FEZ1: variants seen among roughly 807,000 people sequenced by gnomAD.
FEZ1 encodes the protein fasciculation and elongation protein zeta 1.
FEZ1 carries 20 observed loss-of-function variants against 49.3 expected under a neutral mutation model. The ratio of observed to expected loss-of-function variants is 0.41; its 90% CI spans 0.29 to 0.59. The LOEUF (loss-of-function observed/expected upper bound fraction) is 0.59. FEZ1 is among the 20% of genes least tolerant of loss of function. FEZ1 has a pLI of 0.36. For missense variants in FEZ1, 413 were observed against 476.0 expected (o/e 0.87, Z 1.23); for synonymous variants, 170 against 180.9 (o/e 0.94, Z 0.48).
intron 4 of FEZ1, among the ~76,000 whole-genome samples, 174 bp from the exon 5 acceptor site, chr11:125,460,840 C>T (rs949469626): frequency 2.0e-5 from 3 of 152,192 alleles, no homozygotes; most frequent in Non-Finnish European, 2.9e-5. Context: ...GGCTTGCATA[C>T]ACTCTTTCTT....
intron 4 of FEZ1, chr11:125,463,248 A>T (rs919665624): frequency 4.0e-6 from 1 of 250,738 alleles, no homozygotes; most frequent in African/African-American, 2.3e-5. Context: ...AGAGGTTGCA[A>T]TGAGCCAAGA....
intron 2 of FEZ1, 163 bp from the exon 3 acceptor site, chr11:125,481,796 A>G (rs1049418083): frequency 1.6e-6 from 1 of 627,494 alleles, no homozygotes; most frequent in Non-Finnish European, 2.9e-6. Flanking sequence ...ACTGAATCAG[A>G]GGCACATCCA....
intron 2 of FEZ1, among the ~76,000 whole-genome samples, chr11:125,482,979 A>T (rs1409264664): frequency 4.1e-5 from 6 of 144,776 alleles, no homozygotes; most frequent in African/African-American, 1.6e-4. Flanking sequence ...CACTGTAAAA[A>T]AAAAAAAAAA....
Position 125,495,234 on chromosome 11 carries a change from G to A in FEZ1, c.-46+887C>T. 1 of 382,894 alleles carries A rather than the reference G, an allele frequency of 2.6e-6. No individual in the cohort carries two copies. The allele number at this position is 382,894 out of a possible 1,614,324, so 23.7% of individuals were successfully genotyped here. A position where few individuals can be genotyped will look rare whatever the true frequency, so the allele number is the denominator to read the frequency against. ...CAGGCAGCACAATGGCTGGCACTCT[G>A]AGGAAGCCGGACTCATCCCGTGCAG... On this transcript the variant is annotated intron_variant, in intron 1 of 9. Transcript: ENST00000278919. This position sits in a 1 kb window ranked among gnomAD's most constrained non-coding sequence, Gnocchi z 4.2.
In FEZ1 at chr11:125,493,362, A is replaced by AAAGAAAG. The variant is rs1957403828; in HGVS notation, c.-46+2758_-46+2759insCTTTCTT. Reference sequence around the variant, plus strand: ...GAAAGAAAGAAAGAAAGAAAGAGAGAAAAGAAAGAAAGAAAGAAAGAAAGA... The same window carrying AAAGAAAG: ...GAAAGAAAGAAAGAAAGAAAGAGAGAAAGAAAGAAAGAAAGAAAGAAAGAAAGAAAGA... On this transcript the variant is annotated intron_variant, in intron 1 of 9. Transcript: ENST00000278919. Among the ~76,000 whole-genome samples, 3 of 49,534 alleles carry AAAGAAAG rather than the reference A, an allele frequency of 6.1e-5. No individual in the cohort carries two copies. In the Admixed American group the frequency reaches 8.2e-4, roughly 14 times the overall value. 32.5% of individuals were successfully genotyped at this position (49,534 alleles called of 152,430 possible). A position where few individuals can be genotyped will look rare whatever the true frequency, so the allele number is the denominator to read the frequency against.
chr11:125,448,683 T>C, intron 8 of FEZ1, 116 bp from the exon 9 acceptor site: 1 of 728,522 alleles, frequency 1.4e-6, no homozygotes, highest in South Asian at 1.6e-5. Flanking sequence ...GAACCAGACA[T>C]TTATTGAGTA....
rs527507926 is a variant in FEZ1 at position 125,456,982 on chromosome 11, G to A, written c.668-876C>T. 1.4e-4 allele frequency among the ~76,000 whole-genome samples: 21 copies of A among 151,978 alleles called. No individual in the cohort carries two copies. In the South Asian group the frequency reaches 2.1e-3, roughly 15 times the overall value. Reference sequence around the variant, plus strand: ...GCGGATCACCTGAGGTCAGGAGTTCGAAAACAGCCTGGCCAGCATAGTGAA... The same window carrying A: ...GCGGATCACCTGAGGTCAGGAGTTCAAAAACAGCCTGGCCAGCATAGTGAA... On this transcript the variant is annotated intron_variant, in intron 5 of 9. Coordinates refer to ENST00000278919, the MANE Select transcript of FEZ1 (RefSeq NM_005103.5).
chr11:125,491,422 A>G (rs1481395688), intron 1 of FEZ1, among the ~76,000 whole-genome samples: 1 of 152,208 alleles, frequency 6.6e-6, no homozygotes, highest in Non-Finnish European at 1.5e-5. Context: ...GTGGCTAGGC[A>G]GTCAATCAAT....
intron 8 of FEZ1, among the ~76,000 whole-genome samples, chr11:125,450,789 A>G (rs1161688509): frequency 6.6e-6 from 1 of 152,242 alleles, no homozygotes; most frequent in Non-Finnish European, 1.5e-5. Context: ...TTTTACAGCC[A>G]GTATAATCTC....
At chr11:125,483,060 C>T (rs1020346409) in intron 2 of FEZ1, among the ~76,000 whole-genome samples, 1 of 148,836 alleles carries the variant, frequency 6.7e-6, no homozygotes, top group Non-Finnish European at 1.5e-5. Flanking sequence ...CCTTCAGGTG[C>T]CTATGCATGT....
At chr11:125,476,186 T>C (rs1957231059) in intron 3 of FEZ1, among the ~76,000 whole-genome samples, 1 of 152,206 alleles carries the variant, frequency 6.6e-6, no homozygotes, top group African/African-American at 2.4e-5. Context: ...AATATCTTGA[T>C]TGTGGTGATG....
Position 125,444,420 on chromosome 11 carries a change from T to C in FEZ1, c.*1675A>G, listed in dbSNP as rs918919594. Among the ~76,000 whole-genome samples the C allele has an allele frequency of 6.6e-6, 1 of 152,192 alleles. No individual in the cohort carries two copies. The highest frequency in any genetic ancestry group is 2.4e-5 in the African/African-American group (1 of 41,456). Reference sequence around the variant, plus strand: ...GACCAACATGTAGAAACCTGGTCTCTACTAAAAATATAAAATTAGCTGGGT... The same window carrying C: ...GACCAACATGTAGAAACCTGGTCTCCACTAAAAATATAAAATTAGCTGGGT... On this transcript the variant is annotated 3_prime_UTR_variant, in exon 10 of 10. Coordinates refer to ENST00000278919, the MANE Select transcript of FEZ1 (RefSeq NM_005103.5).
chr11:125,486,793 G>C (rs1957329468), intron 2 of FEZ1, among the ~76,000 whole-genome samples: 1 of 152,162 alleles, frequency 6.6e-6, no homozygotes, highest in African/African-American at 2.4e-5. Context: ...AGTGTAGTCA[G>C]GTGAGATATT....
chr11:125,460,273 G>T (rs1379906583), intron 5 of FEZ1: 1 of 430,588 alleles, frequency 2.3e-6, no homozygotes, highest in Non-Finnish European at 4.1e-6. Flanking sequence ...TTGTTCTTTG[G>T]TTAGTTTTAA....
chr11:125,483,568 A>C (rs2135780933), intron 2 of FEZ1, among the ~76,000 whole-genome samples: 2 of 152,348 alleles, frequency 1.3e-5, no homozygotes, highest in East Asian at 3.9e-4. Flanking sequence ...AGAAGCAAAT[A>C]GGATTTGCTT....
intron 3 of FEZ1, among the ~76,000 whole-genome samples, chr11:125,476,265 T>C (rs1465539000): frequency 2.0e-5 from 3 of 152,226 alleles, no homozygotes; most frequent in Non-Finnish European, 4.4e-5. Flanking sequence ...GCTCATTATA[T>C]GCCAATTACC....
chr11:125,457,613 T>G (rs950169926), intron 5 of FEZ1, among the ~76,000 whole-genome samples: 1 of 145,822 alleles, frequency 6.9e-6, no homozygotes, highest in African/African-American at 2.5e-5. Flanking sequence ...GAAGAATTAA[T>G]TGATTGACTG....
At chr11:125,473,820 A>T in intron 3 of FEZ1, among the ~76,000 whole-genome samples, 1 of 60,210 alleles carries the variant, frequency 1.7e-5, no homozygotes, top group South Asian at 7.9e-4. Flanking sequence ...CTCCATTTCA[A>T]AAAAAAAAAA....
rs1565307127 is a variant in FEZ1 at position 125,493,464 on chromosome 11, AGG to A, written c.-46+2655_-46+2656del. 1.4e-4 allele frequency among the ~76,000 whole-genome samples: 10 copies of A among 72,102 alleles called. 1 individual carries two copies. The highest frequency in any genetic ancestry group is 4.9e-4 in the African/African-American group (6 of 12,240). 47.3% of individuals were successfully genotyped at this position (72,102 alleles called of 152,430 possible). ...AAGGAAAGAAGGAAAGAAGGAAAGA[AGG>A]AAAGAAGGAAAGAAGGAAAGAAGGA... On this transcript the variant is annotated intron_variant, in intron 1 of 9. Transcript: ENST00000278919.
Sources: gnomAD v4.1 joint callset for allele counts (sites outside exome capture counted in the v4.1 genomes callset) on GRCh38, gnomAD v4.1.1 for gene constraint, Gnocchi (gnomAD v3.1) non-coding constraint, MANE v1.5 for transcripts, NCBI Gene and HGNC (gene_info 2026-07-23, HGNC 2026-07-21) for gene names.